The following PARD3B variants were observed in gnomAD, a reference collection of about 807,000 sequenced individuals.
PARD3B encodes the protein par-3 family cell polarity regulator beta, also known as partitioning defective 3 homolog B.
A neutral mutation model predicts 130.2 loss-of-function variants in PARD3B; 103 were observed. That is an observed-to-expected ratio of 0.79 (90% confidence interval 0.67 to 0.93). The LOEUF (loss-of-function observed/expected upper bound fraction) is 0.93, where lower values mean the gene tolerates loss of function less well. Ranked by LOEUF, PARD3B falls within the 40% of genes least tolerant of loss-of-function variation. The pLI is 0.00. For missense variants in PARD3B, 1,609 were observed against 1,499.2 expected, an observed-to-expected ratio of 1.07 and a Z score of -1.21; for synonymous variants, 583 against 553.2, an observed-to-expected ratio of 1.05 and a Z score of -0.76.
chr2:204,998,438 G>GTATATTATA lies in PARD3B; in HGVS notation c.394+33116_394+33117insATATTATAT, dbSNP rs1311837153. ...TATGTATATATGTGTATATATATGT[G>GTATATTATA]TGTGTATATATATGTGTATATTATA... is the stretch of plus-strand genomic sequence containing the variant. On this transcript the variant is annotated intron_variant, in intron 3 of 22. Transcript: ENST00000406610. 2.5e-4 allele frequency among the ~76,000 whole-genome samples: 4 copies of GTATATTATA among 16,256 alleles called. No individual in the cohort carries two copies. The East Asian group carries it at 0.037, about 149-fold the overall frequency. 10.7% of individuals were successfully genotyped at this position (16,256 alleles called of 152,430 possible). A position where few individuals can be genotyped will look rare whatever the true frequency, so the allele number is the denominator to read the frequency against.
intron 1 of PARD3B, among the ~76,000 whole-genome samples, chr2:204,681,669 G>T (rs1475268522): frequency 6.6e-6 from 1 of 151,986 alleles, no homozygotes; most frequent in Non-Finnish European, 1.5e-5. Flanking sequence ...GTTTTTCCCT[G>T]CACTGCTCTG....
chr2:204,973,289 T>A (rs1691862435), intron 3 of PARD3B, among the ~76,000 whole-genome samples: 1 of 152,208 alleles, frequency 6.6e-6, no homozygotes, highest in Non-Finnish European at 1.5e-5. Flanking sequence ...TTTGTTGAAG[T>A]TATGACTCAG....
At chr2:205,447,094 A>G (rs1163326291) in intron 20 of PARD3B, among the ~76,000 whole-genome samples, 7 of 152,252 alleles carry the variant, frequency 4.6e-5, no homozygotes, top group African/African-American at 1.7e-4. Flanking sequence ...TAACTGATAT[A>G]TACTAATTTA....
chr2:205,204,735 G>C (rs1485968173), intron 15 of PARD3B, among the ~76,000 whole-genome samples: 2 of 152,062 alleles, frequency 1.3e-5, no homozygotes, highest in African/African-American at 2.4e-5. Context: ...TTTTTGTCAG[G>C]TCTGTCATAG....
At chr2:204,559,183 T>G (rs1249780978) in intron 1 of PARD3B, among the ~76,000 whole-genome samples, 2 of 152,062 alleles carry the variant, frequency 1.3e-5, no homozygotes, top group Non-Finnish European at 2.9e-5. Context: ...CAAGCCAAAA[T>G]TGACAAATGG....
At chr2:204,716,770 C>T (rs2038750928) in intron 2 of PARD3B, among the ~76,000 whole-genome samples, 1 of 151,716 alleles carries the variant, frequency 6.6e-6, no homozygotes, top group African/African-American at 2.4e-5. Flanking sequence ...CCACAGGCGC[C>T]CGCCACCACG....
At chr2:204,762,081 T>C (rs2040924939) in intron 2 of PARD3B, among the ~76,000 whole-genome samples, 1 of 151,474 alleles carries the variant, frequency 6.6e-6, no homozygotes, top group South Asian at 2.1e-4. Flanking sequence ...ATATATTGAA[T>C]GATAAAGATT....
In PARD3B at chr2:205,615,681, C is replaced by T. The variant is rs374818489; in HGVS notation, c.3486C>T (p.Ser1162=). ...KGPFRQDVPP[S]PPQHQRMPAY... is the part of the protein sequence containing the mutation. ...CCTTTCGACAAGACGTTCCGCCTTC[C>T]CCTCCCCAGCACCAAAGAATGCCAG... is the stretch of plus-strand genomic sequence containing the variant. The change falls in exon 23 of 23, where the codon TCC becomes TCT. Residue 1162 remains serine, a synonymous_variant. Coordinates refer to ENST00000406610, the MANE Select transcript of PARD3B (RefSeq NM_001302769.2). 2.5e-6 allele frequency: 4 copies of T among 1,613,962 alleles called. No individual in the cohort carries two copies. Among genetic ancestry groups the T allele is most frequent in the Non-Finnish European group, 3.4e-6 (4 of 1,180,030 alleles).
At chr2:205,286,037 T>C (rs1307415164) in intron 16 of PARD3B, among the ~76,000 whole-genome samples, 3 of 152,210 alleles carry the variant, frequency 2.0e-5, no homozygotes, top group East Asian at 3.9e-4. Flanking sequence ...AAAAACTATT[T>C]AATGATGCAT....
intron 1 of PARD3B, among the ~76,000 whole-genome samples, chr2:204,591,342 A>T (rs2033065928): frequency 6.6e-6 from 1 of 152,202 alleles, no homozygotes; most frequent in African/African-American, 2.4e-5. Context: ...CATCTTACTA[A>T]ATGGAAGTCT....
chr2:205,302,007 G>T (rs899189959), intron 18 of PARD3B: 2 of 599,682 alleles, frequency 3.3e-6, no homozygotes, highest in Non-Finnish European at 6.1e-6. Context: ...GAGCCCAAGA[G>T]TTCAAGACCA....
intron 19 of PARD3B, among the ~76,000 whole-genome samples, chr2:205,411,932 A>T (rs2046613376): frequency 6.6e-6 from 1 of 152,160 alleles, no homozygotes. Flanking sequence ...AGCCTCTCCA[A>T]GTCCACAGGG....
chr2:204,757,808 C>G (rs2040743013), intron 2 of PARD3B, among the ~76,000 whole-genome samples: 1 of 151,990 alleles, frequency 6.6e-6, no homozygotes, highest in Non-Finnish European at 1.5e-5. Flanking sequence ...TTGAGAAATA[C>G]TACTCTTGGC....
intron 15 of PARD3B, among the ~76,000 whole-genome samples, chr2:205,196,570 A>G (rs888723815): frequency 1.3e-5 from 2 of 152,056 alleles, no homozygotes; most frequent in African/African-American, 2.4e-5. Flanking sequence ...CTTTTGTGAC[A>G]TTTGGGTTAT....
chr2:204,890,069 A>G lies in PARD3B; in HGVS notation c.223-75083A>G, dbSNP rs2046393121. On this transcript the variant is annotated intron_variant, in intron 2 of 22. Coordinates refer to ENST00000406610, the MANE Select transcript of PARD3B (RefSeq NM_001302769.2). The surrounding 1 kb of genome is among the most constrained non-coding windows in gnomAD (Gnocchi z 4.9). ...CTTTTGGCATATGTTCTCTGGGACT[A>G]TCGGTTTTATTGCAACTGGATGCAG... 3.9e-5 allele frequency among the ~76,000 whole-genome samples: 6 copies of G among 152,136 alleles called. No homozygotes were observed. In the South Asian group the frequency reaches 6.2e-4, roughly 16 times the overall value.
intron 1 of PARD3B, among the ~76,000 whole-genome samples, chr2:204,566,941 C>T (rs753099230): frequency 2.7e-5 from 4 of 150,062 alleles, no homozygotes; most frequent in South Asian, 2.1e-4. Context: ...TGTAGTGGTG[C>T]GATCTTGGCT....
chr2:205,375,958 A>G (rs1553688420), intron 18 of PARD3B, among the ~76,000 whole-genome samples: 1 of 152,202 alleles, frequency 6.6e-6, no homozygotes, highest in Non-Finnish European at 1.5e-5. Context: ...AGCTACAACA[A>G]ATTGACAAGA....
chr2:205,542,144 C>CAA lies in PARD3B; in HGVS notation c.3181-11152_3181-11151dup, dbSNP rs71032484. On this transcript the variant is annotated intron_variant, in intron 21 of 22. Coordinates refer to ENST00000406610, the MANE Select transcript of PARD3B (RefSeq NM_001302769.2). ...GGCAACAAGAGTGAAACTCCGTCTC[C>CAA]AAAAAAAAAAAAAAAAAAAAAAAAA... Among the ~76,000 whole-genome samples, 84 of 38,072 alleles carry CAA rather than the reference C, an allele frequency of 2.2e-3. 8 individuals carry two copies. The highest frequency in any genetic ancestry group is 3.1e-3 in the African/African-American group (23 of 7,420). The allele number at this position is 38,072 out of a possible 152,430, so 25.0% of individuals were successfully genotyped here.
chr2:204,866,556 A>G (rs16836690), intron 2 of PARD3B, among the ~76,000 whole-genome samples: 6,788 of 152,102 alleles, frequency 0.045, 535 homozygotes, highest in African/African-American at 0.15. Context: ...CCTGTTCTGG[A>G]TTCTGGAGTT....
Sources: allele counts gnomAD v4.1 joint callset (sites outside exome capture counted in the v4.1 genomes callset), GRCh38; gene constraint gnomAD v4.1.1; non-coding constraint Gnocchi (gnomAD v3.1); transcripts MANE v1.5; gene names NCBI Gene and HGNC (gene_info 2026-07-23, HGNC 2026-07-21).